Variants in EREG observed in about 807,000 individuals in gnomAD.
EREG encodes epiregulin, also known as proepiregulin.
EREG carries 23 observed loss-of-function variants against 22.4 expected under a neutral mutation model. The observed-to-expected ratio is 1.03, with a 90% confidence interval of 0.74 to 1.46. The LOEUF is 1.46. Among genes scored for constraint, EREG ranks in the 40% most tolerant of loss-of-function variants. The probability of loss-of-function intolerance (pLI) is 0.00; values close to 1 mark genes in which losing one functional copy is unlikely to be tolerated. For synonymous variants in EREG, 100 were observed against 75.4 expected (o/e 1.33, Z -1.69); for missense variants, 226 against 205.9 (o/e 1.10, Z -0.60).
In EREG at chr4:74,385,113, T is replaced by C. The variant is rs534522017; in HGVS notation, c.*305T>C. 271 of 218,846 alleles carry C rather than the reference T, an allele frequency of 1.2e-3. No homozygotes were observed. Among genetic ancestry groups the C allele is most frequent in the Non-Finnish European group, 1.9e-3 (209 of 111,488 alleles). The allele number at this position is 218,846 out of a possible 1,614,324, so 13.6% of individuals were successfully genotyped here. On this transcript the variant is annotated 3_prime_UTR_variant, in exon 5 of 5. Coordinates refer to ENST00000244869, the MANE Select transcript of EREG (RefSeq NM_001432.3). ...GTGCACAGTGCTTAGAAGTAAGCAA[T>C]TCCCAGGTCATAGCTCAAGAATTGT...
intron 1 of EREG, among the ~76,000 whole-genome samples, chr4:74,377,698 A>C (rs373500769): frequency 1.3e-5 from 2 of 152,234 alleles, no homozygotes; most frequent in Non-Finnish European, 2.9e-5. Flanking sequence ...GAAACTTATC[A>C]TGGCCGAAGG....
At chr4:74,380,686 T>G (rs557627524) in intron 2 of EREG, among the ~76,000 whole-genome samples, 1 of 152,366 alleles carries the variant, frequency 6.6e-6, no homozygotes, top group African/African-American at 2.4e-5. Context: ...AAATTTTGCT[T>G]GAAGAAATAA....
chr4:74,367,303 C>T (rs1399094939), intron 1 of EREG, among the ~76,000 whole-genome samples: 2 of 152,138 alleles, frequency 1.3e-5, no homozygotes, highest in Non-Finnish European at 2.9e-5. Context: ...AAAATAGTGA[C>T]AAAGTGAGAG....
At chr4:74,375,041 A>G (rs1445773475) in intron 1 of EREG, among the ~76,000 whole-genome samples, 1 of 130,872 alleles carries the variant, frequency 7.6e-6, no homozygotes, top group Admixed American at 7.6e-5. Flanking sequence ...CTTAGTTACC[A>G]ATGCCACCAG....
intron 1 of EREG, among the ~76,000 whole-genome samples, chr4:74,371,141 TGCCAACCTTGGTTGGC>T (rs1752282905): frequency 6.6e-6 from 1 of 152,190 alleles, no homozygotes; most frequent in Non-Finnish European, 1.5e-5. Flanking sequence ...GATACAATTT[TGCCAACCTTGGTTGGC>T]AATTTTGCTC....
chr4:74,371,182 A>G (rs1752283398), intron 1 of EREG, among the ~76,000 whole-genome samples: 1 of 152,178 alleles, frequency 6.6e-6, no homozygotes. Context: ...TTTAGAACCA[A>G]TAACATAAAA....
In EREG at chr4:74,384,827, TG is replaced by T; in HGVS notation, c.*22del. On this transcript the variant is annotated 3_prime_UTR_variant, in exon 5 of 5. Transcript: ENST00000244869. ...AGTCTGAATGGCGCCATCAAACTTA[TG>T]GGCAGGGATAACAGTGTGCCTGGTT... 6.6e-7 allele frequency: 1 copy of T among 1,504,316 alleles called. No homozygotes were observed. Among genetic ancestry groups the T allele is most frequent in the Non-Finnish European group, 9.3e-7 (1 of 1,080,634 alleles). 93.2% of individuals were successfully genotyped at this position (1,504,316 alleles called of 1,614,324 possible).
At chr4:74,380,396 A>G in intron 2 of EREG, among the ~76,000 whole-genome samples, 1 of 152,182 alleles carries the variant, frequency 6.6e-6, no homozygotes, top group East Asian at 1.9e-4. Flanking sequence ...TTTTACACAA[A>G]GGCTCCTATT....
intron 1 of EREG, among the ~76,000 whole-genome samples, chr4:74,377,949 G>A (rs1336018885): frequency 3.9e-5 from 6 of 152,184 alleles, no homozygotes; most frequent in African/African-American, 1.2e-4. Context: ...TGGGGACACA[G>A]AGCCAAACTA....
chr4:74,380,968 T>C (rs1031227852), intron 2 of EREG, 46 bp from the exon 3 acceptor site: 2 of 1,588,586 alleles, frequency 1.3e-6, no homozygotes, highest in African/African-American at 2.7e-5. Context: ...GAGAAATTCT[T>C]CCATGAAGGC....
At chr4:74,374,838 A>G (rs1303954631) in intron 1 of EREG, among the ~76,000 whole-genome samples, 1 of 152,182 alleles carries the variant, frequency 6.6e-6, no homozygotes, top group Non-Finnish European at 1.5e-5. Flanking sequence ...CTGAAACATA[A>G]TCTGAAAAAT....
At chr4:74,370,503 C>A (rs1752271161) in intron 1 of EREG, among the ~76,000 whole-genome samples, 1 of 152,048 alleles carries the variant, frequency 6.6e-6, no homozygotes, top group African/African-American at 2.4e-5. Flanking sequence ...TTGGAAAATT[C>A]AATTCTGTTG....
chr4:74,382,529 G>T (rs1752496317), intron 3 of EREG, 116 bp from the exon 4 acceptor site: 1 of 743,582 alleles, frequency 1.3e-6, no homozygotes, highest in Admixed American at 2.8e-5. Context: ...ACAATCTTTA[G>T]CAAATTTTGT....
At chr4:74,367,463 A>G (rs905257123) in intron 1 of EREG, among the ~76,000 whole-genome samples, 2 of 152,174 alleles carry the variant, frequency 1.3e-5, no homozygotes, top group African/African-American at 4.8e-5. Context: ...AGGAGGATAA[A>G]TTTTTATGTT....
At position 74,365,383 on chromosome 4, in the gene EREG, C is replaced by A; in HGVS notation, c.67+8C>A. 1 of 1,611,842 alleles carries A rather than the reference C, an allele frequency of 6.2e-7. No individual in the cohort carries two copies. The highest frequency in any genetic ancestry group is 8.5e-7 in the Non-Finnish European group (1 of 1,179,726). Reference sequence around the variant, plus strand: ...CGCTGCTGCTCTGCCTGGGTAAGTTCTCCCCCTCTGGCTTCCGGCCGCCCC... The same window carrying A: ...CGCTGCTGCTCTGCCTGGGTAAGTTATCCCCCTCTGGCTTCCGGCCGCCCC... On this transcript the variant is annotated splice_region_variant and intron_variant, in intron 1 of 4. Coordinates refer to ENST00000244869, the MANE Select transcript of EREG (RefSeq NM_001432.3).
chr4:74,381,092 A>G lies in EREG; in HGVS notation c.233A>G (p.His78Arg), dbSNP rs773255236. 3 of 1,613,656 alleles carry G rather than the reference A, an allele frequency of 1.9e-6. No homozygotes were observed. Among genetic ancestry groups the G allele is most frequent in the South Asian group, 1.1e-5 (1 of 91,018 alleles). ...TCTGACATGAATGGCTATTGTTTGC[A>G]TGGACAGTGCATCTATCTGGTGGAC... ...CSSDMNGYCLHGQCIYLVDMS... is the reference protein window; with the variant it reads ...CSSDMNGYCLRGQCIYLVDMS... The change falls in exon 3 of 5, where the codon CAT becomes CGT. Residue 78 changes from histidine (H) to arginine (R), a missense_variant. Physicochemically the swap from His to Arg is conservative, Grantham distance 29. Transcript: ENST00000244869.
chr4:74,368,823 A>G (rs1171990816), intron 1 of EREG, among the ~76,000 whole-genome samples: 1 of 152,184 alleles, frequency 6.6e-6, no homozygotes, highest in Non-Finnish European at 1.5e-5. Flanking sequence ...GGAGACAATG[A>G]GAACACTTCC....
intron 4 of EREG, among the ~76,000 whole-genome samples, chr4:74,384,185 C>A (rs1256570108): frequency 1.3e-5 from 2 of 152,128 alleles, no homozygotes; most frequent in African/African-American, 4.8e-5. Flanking sequence ...ATTTCACTTT[C>A]TTCATCTGTA....
Position 74,385,716 on chromosome 4 carries a change from T to C in EREG, c.*908T>C, listed in dbSNP as rs1752558299. ...GGCTTTGCTGAATTCTAACATTAAA[T>C]CACAGCCCAAAATTTGATGGACTAA... On this transcript the variant is annotated 3_prime_UTR_variant, in exon 5 of 5. Coordinates refer to ENST00000244869, the MANE Select transcript of EREG (RefSeq NM_001432.3). 5.3e-6 allele frequency: 2 copies of C among 375,442 alleles called. No individual in the cohort carries two copies. The highest frequency in any genetic ancestry group is 2.9e-4 in the South Asian group (2 of 6,876). 23.3% of individuals were successfully genotyped at this position (375,442 alleles called of 1,614,324 possible).
Sources: allele counts gnomAD v4.1 joint callset (sites outside exome capture counted in the v4.1 genomes callset), GRCh38; gene constraint gnomAD v4.1.1; transcripts MANE v1.5; gene names NCBI Gene and HGNC (gene_info 2026-07-23, HGNC 2026-07-21).